The following ABRAXAS2 variants were observed in gnomAD, a reference collection of about 807,000 sequenced individuals.
The protein encoded by ABRAXAS2 is abraxas 2, BRISC complex subunit, also known as BRISC complex subunit Abraxas 2.
In ABRAXAS2, 23 loss-of-function variants were observed where a neutral mutation model predicts 49.0. The ratio of observed to expected loss-of-function variants is 0.47; its 90% CI spans 0.34 to 0.66. ABRAXAS2 has a LOEUF of 0.66. Among genes scored for constraint, ABRAXAS2 ranks in the 30% least tolerant of loss-of-function variants. The pLI, the probability that ABRAXAS2 is intolerant of heterozygous loss-of-function variation, is 0.01. For missense variants in ABRAXAS2, 443 were observed against 511.9 expected (o/e 0.87, Z 1.30); for synonymous variants, 168 against 180.2 (o/e 0.93, Z 0.54).
intron 2 of ABRAXAS2, among the ~76,000 whole-genome samples, chr10:124,809,637 A>G (rs1417895740): frequency 2.0e-5 from 3 of 152,036 alleles, no homozygotes; most frequent in Non-Finnish European, 2.9e-5. Context: ...CAAGAGGCTG[A>G]ACTACCTCCT....
intron 3 of ABRAXAS2, among the ~76,000 whole-genome samples, chr10:124,817,644 G>C (rs1470839322): frequency 1.3e-5 from 2 of 152,080 alleles, no homozygotes; most frequent in Non-Finnish European, 2.9e-5. Flanking sequence ...GCTTCCTGCT[G>C]TTCCCTGCAG....
chr10:124,815,894 T>C (rs1389267680), intron 2 of ABRAXAS2, among the ~76,000 whole-genome samples: 2 of 26,076 alleles, frequency 7.7e-5, no homozygotes, highest in Middle Eastern at 0.025. Flanking sequence ...CCTCGCAGCT[T>C]TTTTTTTTTT....
At position 124,801,925 on chromosome 10, in the gene ABRAXAS2, G is replaced by A. The variant is rs372327539; in HGVS notation, c.72+24G>A. 9 of 1,606,428 alleles carry A rather than the reference G, an allele frequency of 5.6e-6. No individual in the cohort carries two copies. In the African/African-American group the frequency reaches 1.1e-4, roughly 19 times the overall value. On this transcript the variant is annotated intron_variant, in intron 1 of 8. Transcript: ENST00000298492. ...ACGTAGGTGCCGGGCCCCCTGCCGC[G>A]CCCGCTGGGGGCTTTCAGCCTCTGT...
chr10:124,819,996 C>CT (rs1350223858), intron 4 of ABRAXAS2, among the ~76,000 whole-genome samples: 2 of 152,080 alleles, frequency 1.3e-5, no homozygotes, highest in Non-Finnish European at 2.9e-5. Context: ...ATGGGTTTTA[C>CT]TTTTTTTACC....
intron 2 of ABRAXAS2, among the ~76,000 whole-genome samples, chr10:124,809,846 G>A (rs1019097605): frequency 6.7e-6 from 1 of 150,308 alleles, no homozygotes; most frequent in East Asian, 2.0e-4. Flanking sequence ...TCCACCTCCC[G>A]GGTTCAAGCG....
intron 2 of ABRAXAS2, among the ~76,000 whole-genome samples, chr10:124,808,581 G>A (rs1227401520): frequency 2.6e-5 from 4 of 152,208 alleles, no homozygotes; most frequent in African/African-American, 9.6e-5. Flanking sequence ...GGGAGGATTA[G>A]ACAGGCAGGA....
intron 2 of ABRAXAS2, among the ~76,000 whole-genome samples, chr10:124,811,867 T>G (rs1220299333): frequency 6.6e-6 from 1 of 152,152 alleles, no homozygotes; most frequent in African/African-American, 2.4e-5. Flanking sequence ...AACCTCCGCT[T>G]CCCAGGTTCA....
chr10:124,820,145 T>C (rs532405922), intron 4 of ABRAXAS2, among the ~76,000 whole-genome samples: 1 of 152,206 alleles, frequency 6.6e-6, no homozygotes, highest in African/African-American at 2.4e-5. Context: ...GCAGTTATAT[T>C]AAAACAACAG....
chr10:124,821,534 C>T (rs909244869), intron 4 of ABRAXAS2, among the ~76,000 whole-genome samples: 1 of 149,692 alleles, frequency 6.7e-6, no homozygotes, highest in Non-Finnish European at 1.5e-5. Context: ...CCACTGCACA[C>T]TCCCACCTGG....
intron 3 of ABRAXAS2, among the ~76,000 whole-genome samples, chr10:124,817,890 C>T (rs531176352): frequency 4.6e-5 from 7 of 152,198 alleles, no homozygotes; most frequent in Admixed American, 2.6e-4. Flanking sequence ...GGAAGCAAGA[C>T]GAGCAGCCAG....
At chr10:124,817,309 A>G (rs748880338) in intron 3 of ABRAXAS2, among the ~76,000 whole-genome samples, 23 of 152,182 alleles carry the variant, frequency 1.5e-4, no homozygotes, top group Non-Finnish European at 3.1e-4. Flanking sequence ...TAAAGGGAGA[A>G]ACGTTCGGAA....
At chr10:124,806,800 G>T (rs750935504) in intron 1 of ABRAXAS2, 31 bp from the exon 2 acceptor site, 3 of 1,369,714 alleles carry the variant, frequency 2.2e-6, no homozygotes, top group African/African-American at 1.4e-5. Flanking sequence ...TTTATTTTTA[G>T]TCTGCAATTA....
chr10:124,834,488 T>A lies in ABRAXAS2; in HGVS notation c.779-14T>A, dbSNP rs772742984. ...AATCTAGAAAGTGTTAGAATATTCTTTGTTTTCATCCAGGATTGCAGCAGG... is the reference window on the plus strand; with the variant it reads ...AATCTAGAAAGTGTTAGAATATTCTATGTTTTCATCCAGGATTGCAGCAGG... On this transcript the variant is annotated splice_polypyrimidine_tract_variant and intron_variant, in intron 8 of 8. Transcript: ENST00000298492. 2 of 1,600,580 alleles carry A rather than the reference T, an allele frequency of 1.2e-6. No individual in the cohort carries two copies. The highest frequency in any genetic ancestry group is 2.2e-5 in the South Asian group (2 of 89,832).
intron 1 of ABRAXAS2, among the ~76,000 whole-genome samples, chr10:124,803,400 C>G (rs1470589249): frequency 6.6e-6 from 1 of 152,080 alleles, no homozygotes; most frequent in African/African-American, 2.4e-5. Flanking sequence ...GTTGAAGAAC[C>G]AACAATTTAC....
chr10:124,827,114 G>A (rs1028313703), intron 5 of ABRAXAS2, among the ~76,000 whole-genome samples: 4 of 149,352 alleles, frequency 2.7e-5, no homozygotes, highest in Non-Finnish European at 5.9e-5. Flanking sequence ...AAAGGATGTT[G>A]GTACAAGTCA....
intron 5 of ABRAXAS2, among the ~76,000 whole-genome samples, chr10:124,828,420 A>G (rs2134171465): frequency 6.6e-6 from 1 of 152,262 alleles, no homozygotes; most frequent in East Asian, 1.9e-4. Context: ...GCTGGAGTGC[A>G]GTGGCACAAT....
chr10:124,828,650 A>G (rs896474708), intron 5 of ABRAXAS2, 106 bp from the exon 6 acceptor site: 2 of 1,048,598 alleles, frequency 1.9e-6, no homozygotes, highest in Non-Finnish European at 2.7e-6. Flanking sequence ...CTGAGATTAG[A>G]GGTGTGAGCC....
chr10:124,813,545 A>G (rs1950804512), intron 2 of ABRAXAS2, among the ~76,000 whole-genome samples: 1 of 152,238 alleles, frequency 6.6e-6, no homozygotes, highest in Non-Finnish European at 1.5e-5. Flanking sequence ...TTGAGGCACA[A>G]GAAACTCTGG....
At chr10:124,811,746 A>G (rs955408402) in intron 2 of ABRAXAS2, among the ~76,000 whole-genome samples, 3 of 152,168 alleles carry the variant, frequency 2.0e-5, no homozygotes, top group Admixed American at 2.0e-4. Flanking sequence ...TCAAAAAAAA[A>G]GAAACATAAT....
Sources: allele counts gnomAD v4.1 joint callset (sites outside exome capture counted in the v4.1 genomes callset), GRCh38; gene constraint gnomAD v4.1.1; transcripts MANE v1.5; gene names NCBI Gene and HGNC (gene_info 2026-07-23, HGNC 2026-07-21).